MYOM3: variants seen among roughly 807,000 people sequenced by gnomAD.
MYOM3 encodes the protein myomesin 3, also known as myomesin-3.
A neutral mutation model predicts 191.7 loss-of-function variants in MYOM3; 155 were observed. That is an observed-to-expected ratio of 0.81 (90% CI 0.71 to 0.92). The LOEUF (loss-of-function observed/expected upper bound fraction) is 0.92, where lower values mean the gene tolerates loss of function less well. MYOM3 is among the 40% of genes least tolerant of loss of function. MYOM3 has a pLI of 0.00. For synonymous variants in MYOM3, 757 were observed against 762.9 expected (o/e 0.99, Z 0.13); for missense variants, 1,889 against 1,890.6 (o/e 1.00, Z 0.02).
At chr1:24,092,062 G>A (rs373305031) in intron 11 of MYOM3, 112 bp downstream of exon 11, 23 of 1,054,074 alleles carry the variant, frequency 2.2e-5, no homozygotes, top group Admixed American at 1.9e-4. Flanking sequence ...TCTGAGGAGC[G>A]GGGGTGTGAG....
intron 15 of MYOM3, 115 bp downstream of exon 15, chr1:24,086,529 T>C (rs953038357): frequency 1.5e-5 from 16 of 1,069,110 alleles, no homozygotes; most frequent in Non-Finnish European, 2.0e-5. Context: ...TTCAGCTTCA[T>C]GATGGGTAGA....
At chr1:24,105,100 C>T (rs2148561654) in intron 5 of MYOM3, among the ~76,000 whole-genome samples, 1 of 152,322 alleles carries the variant, frequency 6.6e-6, no homozygotes, top group Admixed American at 6.5e-5. Context: ...CGCCCCTCCC[C>T]AGGCGAGGCC....
chr1:24,067,199 C>G (rs1424979075), intron 27 of MYOM3, 111 bp from the exon 28 acceptor site: 5 of 1,022,726 alleles, frequency 4.9e-6, no homozygotes, highest in Non-Finnish European at 5.8e-6. Context: ...ATGGACTTCT[C>G]AGATGCTGCC....
intron 3 of MYOM3, 76 bp downstream of exon 3, chr1:24,107,917 G>C (rs1237485451): frequency 1.5e-6 from 2 of 1,297,446 alleles, no homozygotes; most frequent in Non-Finnish European, 2.2e-6. Context: ...GGGGTGAAAG[G>C]CCAGCAGGGA....
intron 5 of MYOM3, among the ~76,000 whole-genome samples, chr1:24,104,582 T>G (rs1325892837): frequency 1.3e-5 from 2 of 152,136 alleles, no homozygotes; most frequent in African/African-American, 4.8e-5. Context: ...TTCAAGCGAT[T>G]CTCTTGTCTC....
At chr1:24,086,017 AGG>A (rs1446399773) in intron 15 of MYOM3, among the ~76,000 whole-genome samples, 1 of 151,960 alleles carries the variant, frequency 6.6e-6, no homozygotes, top group African/African-American at 2.4e-5. Flanking sequence ...ATCTGATGAG[AGG>A]GTAAAGAACC....
In MYOM3 at chr1:24,067,095, G is replaced by T. The variant is rs375986278; in HGVS notation, c.3356-7C>A. The T allele has an allele frequency of 3.2e-6, 5 of 1,568,610 alleles. No individual in the cohort carries two copies. The South Asian group carries it at 3.5e-5, about 11-fold the overall frequency. On this transcript the variant is annotated splice_polypyrimidine_tract_variant and splice_region_variant and intron_variant, in intron 27 of 36. Coordinates refer to ENST00000374434, the MANE Select transcript of MYOM3 (RefSeq NM_152372.4). Reference sequence around the variant, plus strand: ...GGCCGCTCAAAATAGGGACCTGTGCGTGCAAAACAAATGTGCCCACTGTCA... The same window carrying T: ...GGCCGCTCAAAATAGGGACCTGTGCTTGCAAAACAAATGTGCCCACTGTCA...
At chr1:24,077,438 C>T (rs139151791) in intron 20 of MYOM3, among the ~76,000 whole-genome samples, 1 of 152,298 alleles carries the variant, frequency 6.6e-6, no homozygotes, top group East Asian at 1.9e-4. Flanking sequence ...ACATCCATCA[C>T]GCCATTTCAC....
rs778161217 is a variant in MYOM3, at chr1:24,082,182, G to A, written c.2099C>T (p.Pro700Leu). 4.4e-6 allele frequency: 7 copies of A among 1,607,764 alleles called. No individual in the cohort carries two copies. The South Asian group carries it at 4.5e-5, about 10-fold the overall frequency. ...PIRVKQALAT[P>L]SAPYGFALLN... is the part of the protein sequence containing the mutation. Reference sequence around the variant, plus strand: ...GAGGGCAAAGCCATATGGGGCAGACGGGGTAGCTACAGGGAGGTAAGGAGG... The same window carrying A: ...GAGGGCAAAGCCATATGGGGCAGACAGGGTAGCTACAGGGAGGTAAGGAGG... The change falls in exon 18 of 37, where the codon CCG (proline) becomes CTG (leucine). Residue 700 changes from proline to leucine, a missense_variant. Coordinates refer to ENST00000374434, the MANE Select transcript of MYOM3 (RefSeq NM_152372.4).
intron 3 of MYOM3, 42 bp downstream of exon 3, chr1:24,107,951 C>G (rs199929004): frequency 1.3e-6 from 2 of 1,567,264 alleles, no homozygotes; most frequent in Admixed American, 3.5e-5. Flanking sequence ...ACAGGATGGC[C>G]CCTCCTCAGC....
In MYOM3 at chr1:24,057,373, C is replaced by T; in HGVS notation, c.4305G>A (p.Lys1435=). The change falls in exon 37 of 37, where the codon AAG becomes AAA. Residue 1435 remains lysine, a synonymous_variant. Transcript: ENST00000374434. ...FKHGDEPKEL[K]SM is the part of the protein sequence containing the mutation. ...GCCTGGACACACGCTGTCACATGCTCTTCAGCTCCTTGGGCTCGTCCCCGT... is the reference window on the plus strand; with the variant it reads ...GCCTGGACACACGCTGTCACATGCTTTTCAGCTCCTTGGGCTCGTCCCCGT... 2 of 1,613,310 alleles carry T rather than the reference C, an allele frequency of 1.2e-6. No individual in the cohort carries two copies. The highest frequency in any genetic ancestry group is 2.2e-5 in the East Asian group (1 of 44,874).
At chr1:24,080,349 G>A (rs1024590179) in intron 19 of MYOM3, among the ~76,000 whole-genome samples, 155 bp from the exon 20 acceptor site, 5 of 152,178 alleles carry the variant, frequency 3.3e-5, no homozygotes, top group Non-Finnish European at 7.3e-5. Flanking sequence ...CCAAGCCCGG[G>A]CCAACCTTGG....
chr1:24,067,135 G>A (rs985084239), intron 27 of MYOM3, 47 bp from the exon 28 acceptor site: 82 of 1,542,554 alleles, frequency 5.3e-5, no homozygotes, highest in Non-Finnish European at 6.8e-5. Flanking sequence ...GCCAGGCTCA[G>A]CCAGGGTGCC....
chr1:24,084,918 C>A (rs566910010), intron 15 of MYOM3, among the ~76,000 whole-genome samples: 6 of 152,356 alleles, frequency 3.9e-5, no homozygotes, highest in Admixed American at 1.3e-4. Context: ...CTCTCTCACT[C>A]AAAAGTCACC....
At chr1:24,105,486 C>T (rs913258196) in intron 5 of MYOM3, among the ~76,000 whole-genome samples, 2 of 152,354 alleles carry the variant, frequency 1.3e-5, no homozygotes, top group Non-Finnish European at 1.5e-5. Context: ...ACCCTGGAGA[C>T]GCCCAGCTTG....
chr1:24,097,870 C>A (rs1294098498), intron 7 of MYOM3, 53 bp downstream of exon 7: 1 of 1,193,434 alleles, frequency 8.4e-7, no homozygotes, highest in East Asian at 2.3e-5. Flanking sequence ...CCTTGTCTGC[C>A]CAGCTTGGGT....
intron 28 of MYOM3, 179 bp downstream of exon 28, chr1:24,066,842 G>T (rs919511385): frequency 5.3e-6 from 3 of 571,212 alleles, no homozygotes; most frequent in African/African-American, 3.8e-5. Flanking sequence ...GCGCTGGGAA[G>T]GTGGGTTTGC....
rs895575193 is a variant in MYOM3, at chr1:24,056,664, C to T, written c.*700G>A. The T allele has an allele frequency of 5.9e-5, 9 of 152,462 alleles. No homozygotes were observed. The highest frequency in any genetic ancestry group is 2.2e-4 in the African/African-American group (9 of 41,462). 9.4% of individuals were successfully genotyped at this position (152,462 alleles called of 1,614,324 possible). A position where few individuals can be genotyped will look rare whatever the true frequency, so the allele number is the denominator to read the frequency against. Reference sequence around the variant, plus strand: ...GATTACAGGCGTGAGCCACCTCGCCCAGCCTGGATGAAGGTGTTTTCAAAG... The same window carrying T: ...GATTACAGGCGTGAGCCACCTCGCCTAGCCTGGATGAAGGTGTTTTCAAAG... On this transcript the variant is annotated 3_prime_UTR_variant, in exon 37 of 37. Transcript: ENST00000374434.
At chr1:24,071,564 C>T (rs1643532341) in intron 24 of MYOM3, among the ~76,000 whole-genome samples, 1 of 152,134 alleles carries the variant, frequency 6.6e-6, no homozygotes, top group South Asian at 2.1e-4. Context: ...TCTGATTTGT[C>T]TGGGGCATGG....
Sources: allele counts gnomAD v4.1 joint callset (sites outside exome capture counted in the v4.1 genomes callset), GRCh38; gene constraint gnomAD v4.1.1; transcripts MANE v1.5; gene names NCBI Gene and HGNC (gene_info 2026-07-23, HGNC 2026-07-21).